CASZ1: variants seen among roughly 807,000 people sequenced by gnomAD.
CASZ1 encodes the protein castor zinc finger 1.
CASZ1 carries 28 observed loss-of-function variants against 135.2 expected under a neutral mutation model. That is an observed-to-expected ratio of 0.21 (90% confidence interval 0.15 to 0.28). The LOEUF is 0.28. Among genes scored for constraint, CASZ1 ranks in the 10% least tolerant of loss-of-function variants. The probability of loss-of-function intolerance (pLI) is 1.00; values close to 1 mark genes in which losing one functional copy is unlikely to be tolerated. For missense variants in CASZ1, 2,161 were observed against 2,453.3 expected (o/e 0.88, Z 2.52); for synonymous variants, 1,068 against 1,073.4 (o/e 0.99, Z 0.10).
At chr1:10,645,977 G>T in intron 17 of CASZ1, 151 bp downstream of exon 17, 1 of 765,542 alleles carries the variant, frequency 1.3e-6, no homozygotes, top group South Asian at 1.7e-5. Flanking sequence ...AGGGGCAGAT[G>T]GTGCTCTTTC....
rs1015361910 is a variant in CASZ1, at chr1:10,639,140, G to A, written c.5082C>T (p.Asp1694=). The change falls in exon 21 of 21, where the codon GAC becomes GAT. Residue 1694 remains aspartate, a synonymous_variant. Transcript: ENST00000377022. The surrounding 1 kb of genome is among the most constrained non-coding windows in gnomAD (Gnocchi z 4.0). The part of the protein sequence containing the change: ...LPEEEAEDDE[D]EDDDEDDDDE... ...CGTCGTCGTCCTCGTCGTCGTCCTCGTCCTCGTCGTCTTCGGCCTCCTCCT... is the reference window on the plus strand; with the variant it reads ...CGTCGTCGTCCTCGTCGTCGTCCTCATCCTCGTCGTCTTCGGCCTCCTCCT... The A allele has an allele frequency of 3.6e-6, 4 of 1,107,650 alleles. No individual in the cohort carries two copies. The highest frequency in any genetic ancestry group is 6.5e-5 in the East Asian group (1 of 15,338). 68.6% of individuals were successfully genotyped at this position (1,107,650 alleles called of 1,614,324 possible). A position where few individuals can be genotyped will look rare whatever the true frequency, so the allele number is the denominator to read the frequency against.
rs546792268 is a variant in CASZ1 at position 10,744,967 on chromosome 1, C to A, written c.-77+15734G>T. ...CTCCACGGCCACTCCAAGTCCCCAGCAACCGGCGAGGAAGTTTCCAGATGA... is the reference window on the plus strand; with the variant it reads ...CTCCACGGCCACTCCAAGTCCCCAGAAACCGGCGAGGAAGTTTCCAGATGA... On this transcript the variant is annotated intron_variant, in intron 2 of 20. Transcript: ENST00000377022. Among the ~76,000 whole-genome samples the A allele has an allele frequency of 2.6e-5, 4 of 152,308 alleles. No individual in the cohort carries two copies. The East Asian group carries it at 7.7e-4, about 29-fold the overall frequency.
intron 4 of CASZ1, among the ~76,000 whole-genome samples, chr1:10,683,328 C>G (rs972362017): frequency 1.3e-5 from 2 of 152,080 alleles, no homozygotes; most frequent in Admixed American, 1.3e-4. Context: ...AGATTACAAC[C>G]AAGCAAAGAC....
intron 1 of CASZ1, among the ~76,000 whole-genome samples, chr1:10,783,568 A>G (rs1050167426): frequency 5.3e-5 from 8 of 152,078 alleles, no homozygotes; most frequent in Non-Finnish European, 1.0e-4. Flanking sequence ...ACACTATTCA[A>G]TAATCATTAT....
rs561319283 is a variant in CASZ1, at chr1:10,701,540, C to T, written c.-24+3952G>A. On this transcript the variant is annotated intron_variant, in intron 3 of 20. Transcript: ENST00000377022. The surrounding 1 kb of genome is among the most constrained non-coding windows in gnomAD (Gnocchi z 6.3). ...GATGGAGTGATGGGAGGAGGGGGGG[C>T]GCGGTCAGAAGAAGGAGATAACGGG... Among the ~76,000 whole-genome samples the T allele has an allele frequency of 3.9e-3, 597 of 152,098 alleles. 8 individuals are homozygous for T. The highest frequency in any genetic ancestry group is 0.014 in the African/African-American group (567 of 41,468).
chr1:10,639,107 G>A lies in CASZ1; in HGVS notation c.5115C>T (p.Asp1705=), dbSNP rs1244951352. ...EDDDEDDDDE[D]DDEDDDDEDL... ...CCTCGTCGTCGTCGTCCTCGTCGTC[G>A]TCCTCGTCGTCGTCGTCCTCGTCGT... is the stretch of plus-strand genomic sequence containing the variant. The change falls in exon 21 of 21, where the codon GAC becomes GAT. Residue 1705 remains aspartate (D), a synonymous_variant. Coordinates refer to ENST00000377022, the MANE Select transcript of CASZ1 (RefSeq NM_001079843.3). This position sits in a 1 kb window ranked among gnomAD's most constrained non-coding sequence, Gnocchi z 4.0. 3.5e-6 allele frequency: 4 copies of A among 1,158,002 alleles called. No homozygotes were observed. The highest frequency in any genetic ancestry group is 1.2e-4 in the East Asian group (2 of 16,496). The allele number at this position is 1,158,002 out of a possible 1,614,324, so 71.7% of individuals were successfully genotyped here.
At chr1:10,648,468 A>C in intron 15 of CASZ1, 1 of 288,150 alleles carries the variant, frequency 3.5e-6, no homozygotes, top group Non-Finnish European at 6.5e-6. Flanking sequence ...GGAGGTCTTA[A>C]AGGTAGGATT....
intron 1 of CASZ1, among the ~76,000 whole-genome samples, chr1:10,792,315 C>A (rs1570598096): frequency 5.6e-5 from 1 of 17,838 alleles, no homozygotes; most frequent in Non-Finnish European, 1.5e-4. Flanking sequence ...ACATGGCTTA[C>A]CCCTCCCCCC....
intron 4 of CASZ1, among the ~76,000 whole-genome samples, chr1:10,692,237 C>T (rs1225574102): frequency 1.3e-5 from 2 of 152,256 alleles, no homozygotes; most frequent in Non-Finnish European, 2.9e-5. Context: ...CTCCAGCTGG[C>T]ACCCAGGTTA....
intron 3 of CASZ1, among the ~76,000 whole-genome samples, chr1:10,696,562 A>C (rs1486156766): frequency 1.3e-5 from 2 of 152,148 alleles, no homozygotes; most frequent in Non-Finnish European, 2.9e-5. Flanking sequence ...TGACTCCCCA[A>C]AGCAAGGCAT....
chr1:10,693,767 C>A, intron 4 of CASZ1, 107 bp downstream of exon 4: 1 of 658,084 alleles, frequency 1.5e-6, no homozygotes. Context: ...ACCCTCCCGG[C>A]CCCCACCCGG....
At position 10,656,720 on chromosome 1, in the gene CASZ1, G is replaced by C. The variant is rs573217382; in HGVS notation, c.1426C>G (p.His476Asp). 1 of 1,597,784 alleles carries C rather than the reference G, an allele frequency of 6.3e-7. No individual in the cohort carries two copies. The highest frequency in any genetic ancestry group is 1.3e-5 in the African/African-American group (1 of 74,938). ...KYIARFSGSQ[H>D]CGHIHCAYQY... ...TAGGCACAGTGGATGTGGCCACAGT[G>C]CTGGCTGCCCGAGAACCTGGAGGGA... Residue 476 changes from histidine (H) to aspartate (D), a missense_variant, in exon 8 of 21, where the codon CAC becomes GAC. Physicochemically the swap from His to Asp is moderately conservative, Grantham distance 81. Transcript: ENST00000377022.
chr1:10,768,998 G>A (rs548414106), intron 1 of CASZ1, among the ~76,000 whole-genome samples: 145 of 152,248 alleles, frequency 9.5e-4, no homozygotes, highest in South Asian at 6.2e-4. Context: ...AAAATTAGCC[G>A]GGTGTGGTGG....
At chr1:10,653,149 T>G in intron 11 of CASZ1, 3 of 611,308 alleles carry the variant, frequency 4.9e-6, no homozygotes, top group East Asian at 3.0e-5. Context: ...AGCTCACAGA[T>G]GGGGAAACAG....
rs1453354891 is a variant in CASZ1, at chr1:10,700,022, A to G, written c.-24+5470T>C. Reference sequence around the variant, plus strand: ...AGAGAGAGAGAAACAGAGACAGAGAAAGAGAGAGAGAGACAGAGAGAGAGA... The same window carrying G: ...AGAGAGAGAGAAACAGAGACAGAGAGAGAGAGAGAGAGACAGAGAGAGAGA... On this transcript the variant is annotated intron_variant, in intron 3 of 20. Transcript: ENST00000377022. This position sits in a 1 kb window ranked among gnomAD's most constrained non-coding sequence, Gnocchi z 4.2. Among the ~76,000 whole-genome samples the G allele has an allele frequency of 3.4e-5, 5 of 146,080 alleles. No homozygotes were observed. The highest frequency in any genetic ancestry group is 6.8e-5 in the Admixed American group (1 of 14,734).
chr1:10,730,202 C>T (rs189776625), intron 2 of CASZ1, among the ~76,000 whole-genome samples: 403 of 148,110 alleles, frequency 2.7e-3, no homozygotes, highest in African/African-American at 9.4e-3. Flanking sequence ...CCTCTGCCTC[C>T]CAGGTTCAAG....
intron 1 of CASZ1, among the ~76,000 whole-genome samples, chr1:10,764,006 G>A (rs1388699325): frequency 6.6e-6 from 1 of 152,164 alleles, no homozygotes; most frequent in Non-Finnish European, 1.5e-5. Flanking sequence ...GGGACTATAG[G>A]CAAGTGCCAC....
chr1:10,687,032 C>T (rs1638616007), intron 4 of CASZ1, among the ~76,000 whole-genome samples: 1 of 152,166 alleles, frequency 6.6e-6, no homozygotes, highest in Non-Finnish European at 1.5e-5. Context: ...ATCACAGCTG[C>T]AGGGAAGAGG....
chr1:10,751,268 G>A (rs72643204), intron 2 of CASZ1, among the ~76,000 whole-genome samples: 8,066 of 152,096 alleles, frequency 0.053, 297 homozygotes, highest in South Asian at 0.08. Flanking sequence ...GCCCTGAGGG[G>A]GTCTGGCCAG....
Sources: allele counts gnomAD v4.1 joint callset (sites outside exome capture counted in the v4.1 genomes callset), GRCh38; gene constraint gnomAD v4.1.1; non-coding constraint Gnocchi (gnomAD v3.1); transcripts MANE v1.5; gene names NCBI Gene and HGNC (gene_info 2026-07-23, HGNC 2026-07-21).